PSMB1: variants seen among roughly 807,000 people sequenced by gnomAD.
PSMB1 encodes proteasome subunit beta type-1.
In PSMB1, 7 loss-of-function variants were observed where a neutral mutation model predicts 25.4. The ratio of observed to expected loss-of-function variants is 0.28; its 90% CI spans 0.16 to 0.52. PSMB1 has a LOEUF of 0.52. Ranked by LOEUF, PSMB1 falls within the 20% of genes least tolerant of loss-of-function variation. The pLI is 0.97. For missense variants in PSMB1, 284 were observed against 302.2 expected, an observed-to-expected ratio of 0.94 and a Z score of 0.45; for synonymous variants, 119 against 115.0, an observed-to-expected ratio of 1.03 and a Z score of -0.22.
At chr6:170,539,216 A>G (rs1778729808) in intron 4 of PSMB1, among the ~76,000 whole-genome samples, 1 of 152,238 alleles carries the variant, frequency 6.6e-6, no homozygotes, top group Non-Finnish European at 1.5e-5. Flanking sequence ...AAAATCAGAC[A>G]AGTCTTAAAA....
chr6:170,546,095 G>A lies in PSMB1; in HGVS notation c.303+8C>T. On this transcript the variant is annotated splice_region_variant and intron_variant, in intron 3 of 5. Coordinates refer to ENST00000262193, the MANE Select transcript of PSMB1 (RefSeq NM_002793.4). ...TAAAATAGTGTAGAAATGTACAAAA[G>A]CATCTACCTTTAGTCTTGCTTCAAT... is the stretch of plus-strand genomic sequence containing the variant. The A allele has an allele frequency of 6.2e-7, 1 of 1,607,576 alleles. No homozygotes were observed. Among genetic ancestry groups the A allele is most frequent in the Non-Finnish European group, 8.5e-7 (1 of 1,174,814 alleles).
intron 2 of PSMB1, 61 bp from the exon 3 acceptor site, chr6:170,546,245 G>T: frequency 2.9e-6 from 4 of 1,356,224 alleles, no homozygotes; most frequent in Non-Finnish European, 1.0e-6. Flanking sequence ...ACATATCTTC[G>T]GCAATTTTAA....
intron 4 of PSMB1, among the ~76,000 whole-genome samples, chr6:170,537,868 T>G (rs1465746280): frequency 6.6e-6 from 1 of 152,086 alleles, no homozygotes; most frequent in Admixed American, 6.6e-5. Flanking sequence ...CAAACAGTCA[T>G]TTGTAAGAAA....
At chr6:170,549,314 C>T (rs1778862312) in intron 1 of PSMB1, 2 of 501,808 alleles carry the variant, frequency 4.0e-6, no homozygotes, top group Non-Finnish European at 7.0e-6. Context: ...ATTAATAAGC[C>T]TAAATCAGGG....
intron 5 of PSMB1, 91 bp downstream of exon 5, chr6:170,537,143 C>A: frequency 1.0e-6 from 1 of 980,494 alleles, no homozygotes. Context: ...CTCTCCTAAG[C>A]TAATGAAGAG....
At chr6:170,546,252 T>A in intron 2 of PSMB1, 68 bp from the exon 3 acceptor site, 2 of 1,297,478 alleles carry the variant, frequency 1.5e-6, no homozygotes, top group Non-Finnish European at 2.2e-6. Flanking sequence ...TTCGGCAATT[T>A]TAAATTTAAA....
intron 3 of PSMB1, among the ~76,000 whole-genome samples, chr6:170,544,484 CACAAAA>C (rs1379313711): frequency 6.6e-6 from 1 of 152,170 alleles, no homozygotes; most frequent in African/African-American, 2.4e-5. Context: ...AGAGAAACTT[CACAAAA>C]ATTATAAACA....
Position 170,537,300 on chromosome 6 carries a change from G to T in PSMB1, c.474C>A (p.Tyr158Ter). The change falls in exon 5 of 6, where the codon TAC (tyrosine) becomes TAA (stop). Residue 158 changes from tyrosine to a stop codon, truncating the protein, a stop_gained. Transcript: ENST00000262193. LOFTEE classifies it high-confidence loss of function. ...CTCCAGCCTTGAAGGAGTCTCTCTGGTAAGACCCTACTGGATCAAAGCTGT... is the reference window on the plus strand; with the variant it reads ...CTCCAGCCTTGAAGGAGTCTCTCTGTTAAGACCCTACTGGATCAAAGCTGT... The part of the protein sequence containing the change: ...AVYSFDPVGS[Y>*]QRDSFKAGGS... 6.2e-7 allele frequency: 1 copy of T among 1,614,094 alleles called. No homozygotes were observed.
intron 2 of PSMB1, among the ~76,000 whole-genome samples, chr6:170,546,773 G>A (rs1297695552): frequency 1.3e-5 from 2 of 152,096 alleles, no homozygotes; most frequent in African/African-American, 4.8e-5. Context: ...CCTCGTGAAG[G>A]TAGATTTAAA....
chr6:170,538,200 G>A (rs983427234), intron 4 of PSMB1, among the ~76,000 whole-genome samples: 1 of 152,192 alleles, frequency 6.6e-6, no homozygotes, highest in Non-Finnish European at 1.5e-5. Flanking sequence ...TTCTACAATC[G>A]TTAAAAAGGC....
At chr6:170,536,499 A>T (rs1462550612) in intron 5 of PSMB1, 1 of 456,530 alleles carries the variant, frequency 2.2e-6, no homozygotes, top group Admixed American at 2.3e-5. Flanking sequence ...ATTGCTTGAT[A>T]TGTACTGTAG....
intron 2 of PSMB1, 39 bp from the exon 3 acceptor site, chr6:170,546,223 T>C (rs1248391898): frequency 1.2e-5 from 19 of 1,527,686 alleles, no homozygotes; most frequent in African/African-American, 1.4e-5. Flanking sequence ...GCTGGTTAGA[T>C]AGTAGAGCAA....
rs943295235 is a variant in PSMB1 at position 170,537,192 on chromosome 6, C to G, written c.540+42G>C. The G allele has an allele frequency of 4.7e-6, 7 of 1,486,308 alleles. No homozygotes were observed. In the East Asian group the frequency reaches 1.4e-4, roughly 29 times the overall value. 92.1% of individuals were successfully genotyped at this position (1,486,308 alleles called of 1,614,324 possible). On this transcript the variant is annotated intron_variant, in intron 5 of 5. Coordinates refer to ENST00000262193, the MANE Select transcript of PSMB1 (RefSeq NM_002793.4). ...AAGGCACTTCAACTGAACACCATGA[C>G]AAGTTGGACATAGTATCATTACCTG...
chr6:170,543,085 A>C (rs903053210), intron 4 of PSMB1, among the ~76,000 whole-genome samples: 2 of 152,200 alleles, frequency 1.3e-5, no homozygotes, highest in Admixed American at 6.5e-5. Context: ...TCTGGAACAA[A>C]AATGGGATGG....
chr6:170,550,943 C>G (rs200832881), intron 1 of PSMB1, among the ~76,000 whole-genome samples: 2 of 141,566 alleles, frequency 1.4e-5, no homozygotes, highest in African/African-American at 5.4e-5. Flanking sequence ...ATCAGGAGTT[C>G]GAGACCAGCC....
chr6:170,548,379 T>G (rs1356698116), intron 2 of PSMB1, among the ~76,000 whole-genome samples: 1 of 152,246 alleles, frequency 6.6e-6, no homozygotes, highest in Non-Finnish European at 1.5e-5. Flanking sequence ...TCAGTATTTA[T>G]GCAGGCTTTT....
intron 1 of PSMB1, among the ~76,000 whole-genome samples, chr6:170,551,243 T>C (rs1263993857): frequency 6.6e-6 from 1 of 152,078 alleles, no homozygotes; most frequent in Non-Finnish European, 1.5e-5. Flanking sequence ...AAAAACCAGT[T>C]AAAAATGTTT....
chr6:170,546,366 A>T (rs1440845357), intron 2 of PSMB1, among the ~76,000 whole-genome samples, 182 bp from the exon 3 acceptor site: 4 of 152,228 alleles, frequency 2.6e-5, no homozygotes, highest in Non-Finnish European at 5.9e-5. Context: ...GATGAATTAC[A>T]GGTGGATCAA....
chr6:170,548,893 G>T, intron 2 of PSMB1, 113 bp downstream of exon 2: 1 of 732,862 alleles, frequency 1.4e-6, no homozygotes, highest in Non-Finnish European at 2.3e-6. Context: ...TAATAAAAAT[G>T]CTCCCAACAG....
Sources: allele counts gnomAD v4.1 joint callset (sites outside exome capture counted in the v4.1 genomes callset), GRCh38; gene constraint gnomAD v4.1.1; transcripts MANE v1.5; gene names NCBI Gene and HGNC (gene_info 2026-07-23, HGNC 2026-07-21).